The following SLC35E2B variants were observed in gnomAD, a reference collection of about 807,000 sequenced individuals.
SLC35E2B encodes solute carrier family 35, member E2B.
SLC35E2B carries 18 observed loss-of-function variants against 32.4 expected under a neutral mutation model. The observed-to-expected ratio is 0.56, with a 90% CI of 0.38 to 0.82. SLC35E2B has a LOEUF of 0.82. Ranked by LOEUF, SLC35E2B falls within the 40% of genes least tolerant of loss-of-function variation. The pLI, the probability that SLC35E2B is intolerant of heterozygous loss-of-function variation, is 0.00. For synonymous variants in SLC35E2B, 132 were observed against 209.1 expected, an observed-to-expected ratio of 0.63 and a Z score of 3.18; for missense variants, 263 against 469.5, an observed-to-expected ratio of 0.56 and a Z score of 4.06.
At chr1:1,687,930 A>G (rs1643971286) in intron 2 of SLC35E2B, among the ~76,000 whole-genome samples, 1 of 152,078 alleles carries the variant, frequency 6.6e-6, no homozygotes, top group Non-Finnish European at 1.5e-5. Flanking sequence ...ATAATAACAT[A>G]TATCATTCTC....
At chr1:1,686,840 A>G (rs1643957408) in intron 2 of SLC35E2B, among the ~76,000 whole-genome samples, 1 of 151,888 alleles carries the variant, frequency 6.6e-6, no homozygotes, top group Non-Finnish European at 1.5e-5. Flanking sequence ...TCGGATCATG[A>G]GGTCAGGAGA....
intron 2 of SLC35E2B, among the ~76,000 whole-genome samples, chr1:1,679,388 CTT>C (rs1643880471): frequency 6.6e-6 from 1 of 151,990 alleles, no homozygotes; most frequent in Non-Finnish European, 1.5e-5. Context: ...CCCCATTCCC[CTT>C]CTCTGCTGAC....
At chr1:1,679,824 T>C (rs1570337443) in intron 2 of SLC35E2B, among the ~76,000 whole-genome samples, 23 of 97,798 alleles carry the variant, frequency 2.4e-4, no homozygotes, top group African/African-American at 4.7e-4. Context: ...AGAGCGAGAC[T>C]CCCGTCAAAA....
rs1643947407 is a variant in SLC35E2B at position 1,686,158 on chromosome 1, C to T, written c.-148+4818G>A. 3.3e-5 allele frequency among the ~76,000 whole-genome samples: 5 copies of T among 152,184 alleles called. No homozygotes were observed. The South Asian group carries it at 1.0e-3, about 32-fold the overall frequency. On this transcript the variant is annotated intron_variant, in intron 2 of 9. Coordinates refer to ENST00000617444, the MANE Select transcript of SLC35E2B (RefSeq NM_001290264.2). ...TAGTGGGGATTACATGCACGTGCCACCAAACCCTGCTGATTTTGTATTTTT... is the reference window on the plus strand; with the variant it reads ...TAGTGGGGATTACATGCACGTGCCATCAAACCCTGCTGATTTTGTATTTTT...
intron 2 of SLC35E2B, among the ~76,000 whole-genome samples, chr1:1,684,145 C>A (rs1034363731): frequency 6.6e-6 from 1 of 152,130 alleles, no homozygotes; most frequent in Admixed American, 6.6e-5. Context: ...AGTGCACTGT[C>A]TTTTCAAGGC....
chr1:1,667,904 G>A (rs1373542120), intron 9 of SLC35E2B, among the ~76,000 whole-genome samples: 1 of 151,192 alleles, frequency 6.6e-6, no homozygotes, highest in Non-Finnish European at 1.5e-5. Flanking sequence ...CCAGGCTGGA[G>A]TGCAGTGGTG....
intron 8 of SLC35E2B, among the ~76,000 whole-genome samples, chr1:1,668,892 G>A (rs1643613608): frequency 6.6e-6 from 1 of 151,512 alleles, no homozygotes; most frequent in South Asian, 2.1e-4. Flanking sequence ...TCGGGAGGCT[G>A]AGGCAGGACA....
At chr1:1,666,698 G>A (rs1375031518) in intron 9 of SLC35E2B, among the ~76,000 whole-genome samples, 1 of 151,650 alleles carries the variant, frequency 6.6e-6, no homozygotes, top group African/African-American at 2.4e-5. Context: ...GTGGGAGGCT[G>A]GGTGTGGGGG....
chr1:1,684,279 T>G (rs985495696), intron 2 of SLC35E2B, among the ~76,000 whole-genome samples: 2 of 152,172 alleles, frequency 1.3e-5, no homozygotes, highest in African/African-American at 4.8e-5. Flanking sequence ...AGAGTGGCTA[T>G]AAGCGCGCTG....
At chr1:1,677,935 C>T (rs1032553729) in intron 2 of SLC35E2B, among the ~76,000 whole-genome samples, 2 of 151,218 alleles carry the variant, frequency 1.3e-5, no homozygotes, top group Admixed American at 6.6e-5. Flanking sequence ...TTTGCACAGA[C>T]GCCACTGTGA....
intron 2 of SLC35E2B, among the ~76,000 whole-genome samples, chr1:1,678,715 A>G (rs1337848277): frequency 3.3e-5 from 5 of 152,090 alleles, no homozygotes; most frequent in Admixed American, 3.3e-4. Flanking sequence ...CAAAGACACC[A>G]TTCCCTTCTT....
chr1:1,683,188 G>T (rs1242019436), intron 2 of SLC35E2B, among the ~76,000 whole-genome samples: 2 of 152,134 alleles, frequency 1.3e-5, no homozygotes, highest in Non-Finnish European at 2.9e-5. Context: ...TTATTTCCAC[G>T]TTGAGCAATT....
chr1:1,667,001 A>G, intron 9 of SLC35E2B, among the ~76,000 whole-genome samples: 1 of 56,088 alleles, frequency 1.8e-5, no homozygotes, highest in African/African-American at 7.2e-5. Flanking sequence ...GCTACTTGGG[A>G]GGCTGAGGCA....
At position 1,665,555 on chromosome 1, in the gene SLC35E2B, C is replaced by T. The variant is rs34272997; in HGVS notation, c.*227G>A. 1.2e-3 allele frequency: 796 copies of T among 668,386 alleles called. 7 individuals carry two copies. The highest frequency in any genetic ancestry group is 8.0e-3 in the South Asian group (389 of 48,640). 41.4% of individuals were successfully genotyped at this position (668,386 alleles called of 1,614,324 possible). Reference sequence around the variant, plus strand: ...TCACATTACACGGGGATGGGCTCGGCGGACACAGTCAGCTACTGGTCTGGT... The same window carrying T: ...TCACATTACACGGGGATGGGCTCGGTGGACACAGTCAGCTACTGGTCTGGT... On this transcript the variant is annotated 3_prime_UTR_variant, in exon 10 of 10. Coordinates refer to ENST00000617444, the MANE Select transcript of SLC35E2B (RefSeq NM_001290264.2).
Position 1,668,440 on chromosome 1 carries a change from G to T in SLC35E2B, c.867C>A (p.Ser289Arg), listed in dbSNP as rs781493691. The T allele has an allele frequency of 6.2e-7, 1 of 1,613,390 alleles. No individual in the cohort carries two copies. Among genetic ancestry groups the T allele is most frequent in the African/African-American group, 1.3e-5 (1 of 74,574 alleles). ...DVPVIGRSGKSFSYNQDVVLL... is the reference protein window; with the variant it reads ...DVPVIGRSGKRFSYNQDVVLL... The stretch of plus-strand genomic sequence containing the variant: ...GCACCACGTCCTGGTTGTAGCTGAA[G>T]CTCTTCCCACTCCTCCCGATCACTG... The change falls in exon 9 of 10, where the codon AGC becomes AGA. Residue 289 changes from serine to arginine, a missense_variant. Physicochemically the swap from Ser to Arg is moderately radical, Grantham distance 110 (BLOSUM62 -1). Around this residue, in one of 7 missense-constraint regions of SLC35E2B, gnomAD observed 8 missense variants for 45.9 expected, o/e 0.17. Transcript: ENST00000617444.
chr1:1,679,709 G>A (rs1643883975), intron 2 of SLC35E2B, among the ~76,000 whole-genome samples: 1 of 150,890 alleles, frequency 6.6e-6, no homozygotes. Flanking sequence ...GCTGGCACCT[G>A]TAATCCCAGC....
chr1:1,686,467 G>C (rs766175367), intron 2 of SLC35E2B, among the ~76,000 whole-genome samples: 1 of 151,636 alleles, frequency 6.6e-6, no homozygotes, highest in African/African-American at 2.4e-5. Flanking sequence ...GGGCAGTCTT[G>C]TAGTGAAAAA....
intron 2 of SLC35E2B, among the ~76,000 whole-genome samples, chr1:1,688,381 C>CGGATCACAAGGTCA (rs1643977101): frequency 6.6e-6 from 1 of 152,012 alleles, no homozygotes; most frequent in Non-Finnish European, 1.5e-5. Context: ...CTGAGGTGGG[C>CGGATCACAAGGTCA]GGATCACAAG....
chr1:1,677,861 C>T (rs1345803882), intron 2 of SLC35E2B, among the ~76,000 whole-genome samples: 2 of 151,888 alleles, frequency 1.3e-5, no homozygotes, highest in African/African-American at 4.8e-5. Flanking sequence ...CCCACGAGCT[C>T]CAGGAAGGTC....
Sources: allele counts gnomAD v4.1 joint callset (sites outside exome capture counted in the v4.1 genomes callset), GRCh38; gene constraint gnomAD v4.1.1; regional missense constraint gnomAD v4.1.1; transcripts MANE v1.5; gene names NCBI Gene and HGNC (gene_info 2026-07-23, HGNC 2026-07-21).